The following FIP1L1 variants were observed in gnomAD, a reference collection of about 807,000 sequenced individuals.
FIP1L1 encodes the protein pre-mRNA 3'-end-processing factor FIP1.
In FIP1L1, 21 loss-of-function variants were observed where a neutral mutation model predicts 84.6. The observed-to-expected ratio is 0.25, with a 90% CI of 0.18 to 0.36. The LOEUF (loss-of-function observed/expected upper bound fraction) is 0.36, where lower values mean the gene tolerates loss of function less well. FIP1L1 is among the 10% of genes least tolerant of loss of function. The probability of loss-of-function intolerance (pLI) is 1.00; values close to 1 mark genes in which losing one functional copy is unlikely to be tolerated. For synonymous variants in FIP1L1, 263 were observed against 242.3 expected (o/e 1.09, Z -0.80); for missense variants, 526 against 751.1 (o/e 0.70, Z 3.50).
intron 10 of FIP1L1, among the ~76,000 whole-genome samples, chr4:53,402,572 C>T (rs1368880860): frequency 1.3e-5 from 2 of 152,106 alleles, no homozygotes; most frequent in Non-Finnish European, 1.5e-5. Flanking sequence ...CATTGCGAAG[C>T]AAACCTGTAG....
intron 9 of FIP1L1, among the ~76,000 whole-genome samples, chr4:53,397,937 A>G (rs920427201): frequency 2.6e-5 from 4 of 152,220 alleles, no homozygotes; most frequent in African/African-American, 9.6e-5. Flanking sequence ...AAGAAGTTAC[A>G]TAGAAATTAC....
intron 4 of FIP1L1, among the ~76,000 whole-genome samples, chr4:53,382,582 A>G (rs1738674634): frequency 6.6e-6 from 1 of 152,240 alleles, no homozygotes; most frequent in South Asian, 2.1e-4. Context: ...ATTGCTTTCA[A>G]GGAATTGAAT....
intron 13 of FIP1L1, chr4:53,440,476 A>T: frequency 1.5e-6 from 1 of 652,826 alleles, no homozygotes; most frequent in Non-Finnish European, 2.7e-6. Flanking sequence ...AAGCCAGGAT[A>T]ATGAGGCGAG....
chr4:53,383,761 A>G lies in FIP1L1; in HGVS notation c.229-12A>G. 3 of 1,594,708 alleles carry G rather than the reference A, an allele frequency of 1.9e-6. No individual in the cohort carries two copies. Among genetic ancestry groups the G allele is most frequent in the Non-Finnish European group, 2.6e-6 (3 of 1,167,486 alleles). On this transcript the variant is annotated splice_polypyrimidine_tract_variant and intron_variant, in intron 4 of 17. Coordinates refer to ENST00000337488, the MANE Select transcript of FIP1L1 (RefSeq NM_030917.4). ...ACTGAATGTATTTTATAATTTGTTTATGTTCATGTAGAAAGTGACTGAGAC... is the reference window on the plus strand; with the variant it reads ...ACTGAATGTATTTTATAATTTGTTTGTGTTCATGTAGAAAGTGACTGAGAC...
chr4:53,441,747 G>A (rs1053954398), intron 13 of FIP1L1, among the ~76,000 whole-genome samples: 4 of 151,990 alleles, frequency 2.6e-5, no homozygotes, highest in African/African-American at 9.6e-5. Flanking sequence ...ACTAGAAGGT[G>A]ATAGACAGTA....
chr4:53,406,367 T>C (rs1183462944), intron 10 of FIP1L1, among the ~76,000 whole-genome samples: 1 of 152,192 alleles, frequency 6.6e-6, no homozygotes. Context: ...GCCCACTTGA[T>C]CATGGTGGAT....
intron 13 of FIP1L1, among the ~76,000 whole-genome samples, chr4:53,437,339 A>C (rs1769769951): frequency 6.7e-6 from 1 of 148,860 alleles, no homozygotes; most frequent in African/African-American, 2.5e-5. Context: ...AAAAAAAAAA[A>C]AAAAAAAAAA....
At chr4:53,406,130 A>T (rs1057304945) in intron 10 of FIP1L1, among the ~76,000 whole-genome samples, 7 of 152,282 alleles carry the variant, frequency 4.6e-5, no homozygotes, top group Non-Finnish European at 1.0e-4. Flanking sequence ...ATTCAGTTTG[A>T]TATTGGCTGT....
intron 16 of FIP1L1, chr4:53,458,442 T>C: frequency 5.4e-6 from 2 of 367,932 alleles, no homozygotes; most frequent in Non-Finnish European, 4.9e-6. Flanking sequence ...TGTGTAATTA[T>C]TATATATTTA....
chr4:53,396,665 A>G (rs1747546298), intron 9 of FIP1L1, among the ~76,000 whole-genome samples: 1 of 152,132 alleles, frequency 6.6e-6, no homozygotes, highest in African/African-American at 2.4e-5. Flanking sequence ...CGGCCTCCCA[A>G]AGCGCTGGGA....
intron 15 of FIP1L1, 63 bp downstream of exon 15, chr4:53,444,166 A>C (rs1773200374): frequency 9.3e-7 from 1 of 1,074,562 alleles, no homozygotes. Flanking sequence ...GAATATTTTT[A>C]AAGCAATAAA....
rs531488760 is a variant in FIP1L1, at chr4:53,381,753, C to CTTTTTTTTTTTTTTTTTTTTTTTTT, written c.171-501_171-500insTTTTTTTTTTTTTTTTTTTTTTTTT. On this transcript the variant is annotated intron_variant, in intron 3 of 17. Transcript: ENST00000337488. ...AATAAACTGTGAAGGCATTTGCATT[C>CTTTTTTTTTTTTTTTTTTTTTTTTT]TTTTTTTTTTTTTTTTTTTTTTTTG... Among the ~76,000 whole-genome samples the CTTTTTTTTTTTTTTTTTTTTTTTTT allele has an allele frequency of 1.1e-3, 97 of 87,932 alleles. 25 individuals carry two copies. The highest frequency in any genetic ancestry group is 1.2e-3 in the Non-Finnish European group (60 of 49,462). The allele number at this position is 87,932 out of a possible 152,430, so 57.7% of individuals were successfully genotyped here.
chr4:53,421,991 G>A (rs745310173), intron 11 of FIP1L1, among the ~76,000 whole-genome samples: 1 of 152,206 alleles, frequency 6.6e-6, no homozygotes, highest in African/African-American at 2.4e-5. Context: ...CACAGACCAC[G>A]TTGTTTTGCT....
chr4:53,395,692 G>T (rs1578259100), intron 9 of FIP1L1, among the ~76,000 whole-genome samples: 1 of 152,224 alleles, frequency 6.6e-6, no homozygotes, highest in East Asian at 1.9e-4. Context: ...TGCATGCCAG[G>T]TACTGTTTTA....
At chr4:53,387,811 A>C (rs561710552) in intron 5 of FIP1L1, among the ~76,000 whole-genome samples, 1 of 152,324 alleles carries the variant, frequency 6.6e-6, no homozygotes, top group African/African-American at 2.4e-5. Context: ...CATGTACATC[A>C]TATGTAGATA....
At chr4:53,378,789 CT>C (rs925738365) in intron 1 of FIP1L1, 8 of 413,324 alleles carry the variant, frequency 1.9e-5, no homozygotes, top group African/African-American at 1.4e-4. Context: ...TCTTGATTGT[CT>C]TTAGAATAGA....
chr4:53,459,804 A>C lies in FIP1L1; in HGVS notation c.*355A>C. The stretch of plus-strand genomic sequence containing the variant: ...ACAGTTTTTTTGTTAATCAAACACC[A>C]CTCTCTTAAGAGGCTGCATCACAAA... On this transcript the variant is annotated 3_prime_UTR_variant, in exon 18 of 18. Transcript: ENST00000337488. 6.5e-6 allele frequency: 2 copies of C among 308,424 alleles called. No homozygotes were observed. The highest frequency in any genetic ancestry group is 1.0e-4 in the South Asian group (2 of 19,054). 19.1% of individuals were successfully genotyped at this position (308,424 alleles called of 1,614,324 possible). A position where few individuals can be genotyped will look rare whatever the true frequency, so the allele number is the denominator to read the frequency against.
chr4:53,424,533 T>A (rs1184953169), intron 11 of FIP1L1, among the ~76,000 whole-genome samples: 1 of 152,080 alleles, frequency 6.6e-6, no homozygotes, highest in East Asian at 1.9e-4. Context: ...TGAACATTTT[T>A]AAATTGTACT....
At chr4:53,396,528 C>T (rs187588634) in intron 9 of FIP1L1, among the ~76,000 whole-genome samples, 1 of 152,128 alleles carries the variant, frequency 6.6e-6, no homozygotes, top group African/African-American at 2.4e-5. Context: ...GCCTCAGCCT[C>T]CCGAGTAGCT....
Sources: allele counts gnomAD v4.1 joint callset (sites outside exome capture counted in the v4.1 genomes callset), GRCh38; gene constraint gnomAD v4.1.1; transcripts MANE v1.5; gene names NCBI Gene and HGNC (gene_info 2026-07-23, HGNC 2026-07-21).